Variants in KIF3A observed in about 807,000 individuals in gnomAD.
The protein encoded by KIF3A is kinesin-like protein KIF3A.
KIF3A carries 27 observed loss-of-function variants against 92.6 expected under a neutral mutation model. The observed-to-expected ratio is 0.29, with a 90% CI of 0.21 to 0.40. The LOEUF is 0.40. Among genes scored for constraint, KIF3A ranks in the 10% least tolerant of loss-of-function variants. The probability of loss-of-function intolerance (pLI) is 1.00; values close to 1 mark genes in which losing one functional copy is unlikely to be tolerated. For synonymous variants in KIF3A, 250 were observed against 275.4 expected, an observed-to-expected ratio of 0.91 and a Z score of 0.92; for missense variants, 581 against 872.6, an observed-to-expected ratio of 0.67 and a Z score of 4.21.
intron 11 of KIF3A, among the ~76,000 whole-genome samples, 177 bp downstream of exon 11, chr5:132,706,274 G>C (rs975654283): frequency 5.9e-5 from 9 of 151,546 alleles, no homozygotes; most frequent in Non-Finnish European, 1.3e-4. Context: ...AAGAATTTAG[G>C]GAAAAAAATG....
intron 5 of KIF3A, among the ~76,000 whole-genome samples, chr5:132,719,106 G>A (rs1753739340): frequency 6.6e-6 from 1 of 152,190 alleles, no homozygotes; most frequent in South Asian, 2.1e-4. Context: ...AACAGATACT[G>A]TTAACAATGC....
chr5:132,693,918 T>C lies in KIF3A; in HGVS notation c.*2716A>G, dbSNP rs921689005. 3.3e-5 allele frequency: 5 copies of C among 151,512 alleles called. No individual in the cohort carries two copies. The highest frequency in any genetic ancestry group is 9.7e-5 in the African/African-American group (4 of 41,066). 9.4% of individuals were successfully genotyped at this position (151,512 alleles called of 1,614,324 possible). On this transcript the variant is annotated 3_prime_UTR_variant, in exon 19 of 19. Coordinates refer to ENST00000403231, the MANE Select transcript of KIF3A (RefSeq NM_001300791.2). The stretch of plus-strand genomic sequence containing the variant: ...ATCCCTTGAACCCAGGAGGCAGAGG[T>C]TGCAGTGAGCCGAGATCGCGCCACT...
rs1303317960 is a variant in KIF3A at position 132,699,250 on chromosome 5, C to T, written c.2053G>A (p.Glu685Lys). ...TTCATCAAAGACTGACGCAGACTCTCCTCAGTATAGGCAAGATACACGTGA... is the reference window on the plus strand; with the variant it reads ...TTCATCAAAGACTGACGCAGACTCTTCTCAGTATAGGCAAGATACACGTGA... ...LSHVYLAYTE[E>K]SLRQSLMKLE... is the part of the protein sequence containing the mutation. Residue 685 changes from glutamate to lysine, a missense_variant, in exon 18 of 19, where the codon GAG (glutamate) becomes AAG (lysine). Physicochemically the swap from Glu to Lys is moderately conservative, Grantham distance 56. Around this residue, in one of 5 missense-constraint regions of KIF3A, gnomAD observed 112 missense variants for 144.3 expected, o/e 0.78. Transcript: ENST00000403231. 1 of 1,613,680 alleles carries T rather than the reference C, an allele frequency of 6.2e-7. No homozygotes were observed. Among genetic ancestry groups the T allele is most frequent in the Non-Finnish European group, 8.5e-7 (1 of 1,179,766 alleles).
chr5:132,709,059 A>T lies in KIF3A; in HGVS notation c.1229-81T>A, dbSNP rs979632188. On this transcript the variant is annotated intron_variant, in intron 9 of 18. Transcript: ENST00000403231. Reference sequence around the variant, plus strand: ...TGAACACACACACAGAGAAAAATTCAGTTTTCAGAGAAAAAAATTTTAAAG... The same window carrying T: ...TGAACACACACACAGAGAAAAATTCTGTTTTCAGAGAAAAAAATTTTAAAG... The T allele has an allele frequency of 3.6e-6, 4 of 1,123,508 alleles. No homozygotes were observed. The African/African-American group carries it at 6.3e-5, about 18-fold the overall frequency. 69.6% of individuals were successfully genotyped at this position (1,123,508 alleles called of 1,614,324 possible). A position where few individuals can be genotyped will look rare whatever the true frequency, so the allele number is the denominator to read the frequency against.
intron 8 of KIF3A, among the ~76,000 whole-genome samples, chr5:132,713,561 A>C (rs1259725622): frequency 6.6e-6 from 1 of 152,236 alleles, no homozygotes; most frequent in Non-Finnish European, 1.5e-5. Context: ...AAGAGCAAAA[A>C]TGAACTGAAA....
chr5:132,735,889 C>T (rs1294608899), intron 1 of KIF3A, among the ~76,000 whole-genome samples: 1 of 152,244 alleles, frequency 6.6e-6, no homozygotes, highest in Non-Finnish European at 1.5e-5. Flanking sequence ...CTGCCTGGCT[C>T]ATCCATGCCA....
chr5:132,701,502 CAAAAA>C lies in KIF3A; in HGVS notation c.1884+580_1884+584del, dbSNP rs5871462. Among the ~76,000 whole-genome samples the C allele has an allele frequency of 7.9e-5, 8 of 101,196 alleles. No individual in the cohort carries two copies. In the South Asian group the frequency reaches 1.3e-3, roughly 17 times the overall value. The allele number at this position is 101,196 out of a possible 152,430, so 66.4% of individuals were successfully genotyped here. ...CAACAAAGTGACTCTGTCTCCCTGA[CAAAAA>C]AAAAAAAAAAAAAAATCATGTTAAA... On this transcript the variant is annotated intron_variant, in intron 15 of 18. Coordinates refer to ENST00000403231, the MANE Select transcript of KIF3A (RefSeq NM_001300791.2).
intron 5 of KIF3A, among the ~76,000 whole-genome samples, chr5:132,717,511 C>T (rs943005614): frequency 1.3e-5 from 2 of 151,244 alleles, no homozygotes; most frequent in Non-Finnish European, 2.9e-5. Context: ...TTAGACAATA[C>T]AACAATATTC....
chr5:132,716,166 T>C, intron 7 of KIF3A, 79 bp downstream of exon 7: 1 of 1,213,288 alleles, frequency 8.2e-7, no homozygotes, highest in South Asian at 1.3e-5. Flanking sequence ...GTTTAAAAAA[T>C]GTGATACGTA....
At position 132,716,296 on chromosome 5, in the gene KIF3A, T is replaced by G. The variant is rs772198106; in HGVS notation, c.903A>C (p.Lys301Asn). ...KSTHVPYRNS[K>N]LTRLLQDSLG... Reference sequence around the variant, plus strand: ...AGGAATCCTGAAGAAGACGAGTCAGTTTAGAGTTACGATAAGGCACATGAG... The same window carrying G: ...AGGAATCCTGAAGAAGACGAGTCAGGTTAGAGTTACGATAAGGCACATGAG... Residue 301 changes from lysine to asparagine, a missense_variant, in exon 7 of 19, where the codon AAA (lysine) becomes AAC (asparagine). By Grantham distance (94) the Lys-to-Asn change is moderately conservative. Transcript: ENST00000403231. 1.2e-6 allele frequency: 2 copies of G among 1,613,978 alleles called. No individual in the cohort carries two copies.
intron 2 of KIF3A, among the ~76,000 whole-genome samples, chr5:132,730,228 A>T (rs1283768261): frequency 6.6e-6 from 1 of 152,116 alleles, no homozygotes; most frequent in Non-Finnish European, 1.5e-5. Context: ...GCACTCCGGG[A>T]GGCCAAGGCA....
At chr5:132,719,507 T>C (rs1229404749) in intron 5 of KIF3A, among the ~76,000 whole-genome samples, 2 of 151,976 alleles carry the variant, frequency 1.3e-5, no homozygotes, top group African/African-American at 4.8e-5. Flanking sequence ...CCTCTTTTTT[T>C]CTTTTTTTTT....
intron 4 of KIF3A, chr5:132,723,468 C>T (rs1036884499): frequency 7.2e-5 from 11 of 152,162 alleles, no homozygotes; most frequent in African/African-American, 2.7e-4. Flanking sequence ...ATCAATGCAA[C>T]AGAACAGAGC....
In KIF3A at chr5:132,734,418, G is replaced by T; in HGVS notation, c.67C>A (p.Pro23Thr). The change falls in exon 2 of 19, where the codon CCC becomes ACC. Residue 23 changes from proline (P) to threonine (T), a missense_variant. Pro to Thr is a conservative substitution (Grantham distance 38). Transcript: ENST00000403231. ...DNVKVVVRCR[P>T]LNEREKSMCY... ...ATTGATTTCTCTCTCTCATTGAGGG[G>T]CCGGCACCTAACAACAACCTTCACA... is the stretch of plus-strand genomic sequence containing the variant. The T allele has an allele frequency of 1.9e-6, 3 of 1,614,038 alleles. No individual in the cohort carries two copies. Among genetic ancestry groups the T allele is most frequent in the Non-Finnish European group, 2.5e-6 (3 of 1,179,974 alleles).
chr5:132,732,636 G>A (rs964970020), intron 2 of KIF3A, among the ~76,000 whole-genome samples: 1 of 152,028 alleles, frequency 6.6e-6, no homozygotes, highest in African/African-American at 2.4e-5. Context: ...TCAGCCAGGT[G>A]CAGTGGCTCA....
At chr5:132,715,678 G>C (rs972019278) in intron 8 of KIF3A, 79 bp downstream of exon 8, 2 of 1,067,384 alleles carry the variant, frequency 1.9e-6, no homozygotes, top group South Asian at 2.9e-5. Flanking sequence ...GTTTAATAGA[G>C]GGCTTTTGTT....
At chr5:132,719,638 C>T (rs1476737080) in intron 5 of KIF3A, among the ~76,000 whole-genome samples, 1 of 151,348 alleles carries the variant, frequency 6.6e-6, no homozygotes, top group Non-Finnish European at 1.5e-5. Flanking sequence ...ATTACAGGCA[C>T]CCACCACCAC....
In KIF3A at chr5:132,737,472, G is replaced by A. The variant is rs531241962; in HGVS notation, c.-53C>T. 1,140 of 1,591,574 alleles carry A rather than the reference G, an allele frequency of 7.2e-4. 4 individuals carry two copies. In the African/African-American group the frequency reaches 0.013, roughly 18 times the overall value. ...GTCCCCGCCCGGGGTGCAGCCCAGC[G>A]ACACCGGGTGCGCAGAAAGGATGGC... On this transcript the variant is annotated 5_prime_UTR_variant, in exon 1 of 19. Transcript: ENST00000403231.
intron 4 of KIF3A, among the ~76,000 whole-genome samples, chr5:132,722,770 T>G (rs146302518): frequency 6.6e-6 from 1 of 152,194 alleles, no homozygotes; most frequent in Non-Finnish European, 1.5e-5. Context: ...TAGTCACTAT[T>G]GTAAAAGACC....
Sources: gnomAD v4.1 joint callset for allele counts (sites outside exome capture counted in the v4.1 genomes callset) on GRCh38, gnomAD v4.1.1 for gene constraint, gnomAD v4.1.1 regional missense constraint, MANE v1.5 for transcripts, NCBI Gene and HGNC (gene_info 2026-07-23, HGNC 2026-07-21) for gene names.